EPS8: variants seen among roughly 807,000 people sequenced by gnomAD.
The protein encoded by EPS8 is EGFR pathway substrate 8, signaling adaptor, also known as epidermal growth factor receptor kinase substrate 8.
Under a neutral mutation model 103.8 loss-of-function variants are expected in EPS8, and 42 were observed. That is an observed-to-expected ratio of 0.40 (90% CI 0.32 to 0.52). The LOEUF (loss-of-function observed/expected upper bound fraction) is 0.52. Ranked by LOEUF, EPS8 falls within the 20% of genes least tolerant of loss-of-function variation. EPS8 has a pLI of 0.40. For missense variants in EPS8, 969 were observed against 1,005.1 expected, an observed-to-expected ratio of 0.96 and a Z score of 0.49; for synonymous variants, 344 against 344.6, an observed-to-expected ratio of 1.00 and a Z score of 0.02.
intron 16 of EPS8, 149 bp downstream of exon 16, chr12:15,641,573 A>G (rs920853298): frequency 1.2e-5 from 5 of 423,688 alleles, no homozygotes; most frequent in African/African-American, 1.0e-4. Flanking sequence ...AGGAGTATCT[A>G]TATACCCCTA....
chr12:15,734,422 C>T lies in EPS8; in HGVS notation c.-21-51450G>A, dbSNP rs11056610. On this transcript the variant is annotated intron_variant, in intron 1 of 20. Transcript: ENST00000281172. This position sits in a 1 kb window ranked among gnomAD's most constrained non-coding sequence, Gnocchi z 4.1. ...TAAAAAGATTCTCTGTGGTTGGGCA[C>T]GGTGGCTCACACCTGTAATCCCAGC... is the stretch of plus-strand genomic sequence containing the variant. Among the ~76,000 whole-genome samples, 1,891 of 152,150 alleles carry T rather than the reference C, an allele frequency of 0.012. 31 individuals carry two copies. Among genetic ancestry groups the T allele is most frequent in the African/African-American group, 0.037 (1,553 of 41,504 alleles).
At chr12:15,699,884 G>A (rs546300110) in intron 1 of EPS8, among the ~76,000 whole-genome samples, 23 of 152,224 alleles carry the variant, frequency 1.5e-4, no homozygotes, top group African/African-American at 5.1e-4. Context: ...GGCCAGGTGC[G>A]GTGGCTCACG....
chr12:15,661,798 A>G (rs1221840539), intron 9 of EPS8, among the ~76,000 whole-genome samples: 1 of 152,252 alleles, frequency 6.6e-6, no homozygotes, highest in East Asian at 1.9e-4. Context: ...TAATAAGCTG[A>G]TTCTTCTATC....
intron 15 of EPS8, among the ~76,000 whole-genome samples, chr12:15,645,545 T>C (rs371634980): frequency 2.0e-5 from 3 of 152,248 alleles, no homozygotes; most frequent in Admixed American, 6.5e-5. Flanking sequence ...TACAAAGATA[T>C]AACTAAATCA....
At position 15,697,044 on chromosome 12, in the gene EPS8, T is replaced by C. The variant is rs1030897093; in HGVS notation, c.-21-14072A>G. ...AGGGAATTATCGTAAGGCCAGCATT[T>C]GCATTTCTTTCTTTCTATTCCCACA... On this transcript the variant is annotated intron_variant, in intron 1 of 20. Transcript: ENST00000281172. The surrounding 1 kb of genome is among the most constrained non-coding windows in gnomAD (Gnocchi z 5.6). Among the ~76,000 whole-genome samples the C allele has an allele frequency of 6.6e-6, 1 of 152,172 alleles. No homozygotes were observed. Among genetic ancestry groups the C allele is most frequent in the African/African-American group, 2.4e-5 (1 of 41,432 alleles).
chr12:15,726,154 T>C (rs962671511), intron 1 of EPS8, among the ~76,000 whole-genome samples: 9 of 152,122 alleles, frequency 5.9e-5, no homozygotes, highest in Admixed American at 5.2e-4. Flanking sequence ...CTGAGGACTA[T>C]TTCACAAGAG....
At chr12:15,645,856 T>C (rs780032321) in intron 15 of EPS8, among the ~76,000 whole-genome samples, 1 of 152,242 alleles carries the variant, frequency 6.6e-6, no homozygotes, top group African/African-American at 2.4e-5. Context: ...AGTGTCAATA[T>C]GTACTCTACA....
intron 1 of EPS8, among the ~76,000 whole-genome samples, chr12:15,763,810 G>C (rs1418268732): frequency 2.0e-5 from 3 of 152,106 alleles, no homozygotes; most frequent in East Asian, 1.9e-4. Flanking sequence ...TTCACACACA[G>C]AACATACATA....
rs923121932 is a variant in EPS8 at position 15,748,478 on chromosome 12, C to T, written c.-22+40683G>A. ...TTGTTTTTTTTTAAAGTAGGACACA[C>T]AAAACTCTACAGAAACAATTTCAGT... On this transcript the variant is annotated intron_variant, in intron 1 of 20. Transcript: ENST00000281172. The surrounding 1 kb of genome is among the most constrained non-coding windows in gnomAD (Gnocchi z 4.8). Among the ~76,000 whole-genome samples the T allele has an allele frequency of 2.0e-5, 3 of 152,082 alleles. No individual in the cohort carries two copies. Among genetic ancestry groups the T allele is most frequent in the Admixed American group, 6.6e-5 (1 of 15,264 alleles).
chr12:15,742,911 G>C (rs1044095802), intron 1 of EPS8, among the ~76,000 whole-genome samples: 19 of 152,176 alleles, frequency 1.2e-4, no homozygotes, highest in African/African-American at 2.4e-5. Context: ...GTTCTGGCCA[G>C]GGCAATGAGG....
chr12:15,660,420 T>G (rs1262016056), intron 10 of EPS8, among the ~76,000 whole-genome samples, 194 bp downstream of exon 10: 2 of 151,986 alleles, frequency 1.3e-5, no homozygotes, highest in Non-Finnish European at 2.9e-5. Flanking sequence ...CATGCCACCA[T>G]GCCCGGCTAA....
chr12:15,679,136 G>A (rs562831017), intron 3 of EPS8, among the ~76,000 whole-genome samples: 1 of 152,114 alleles, frequency 6.6e-6, no homozygotes, highest in Non-Finnish European at 1.5e-5. Context: ...ACTATTAGGT[G>A]TCTAATTTGC....
intron 1 of EPS8, among the ~76,000 whole-genome samples, chr12:15,685,451 G>A (rs2135897964): frequency 6.6e-6 from 1 of 152,214 alleles, no homozygotes; most frequent in South Asian, 2.1e-4. Context: ...GATCTGGTTT[G>A]CGTTTTAAAA....
At chr12:15,672,977 G>A (rs1020747710) in intron 3 of EPS8, among the ~76,000 whole-genome samples, 1 of 152,178 alleles carries the variant, frequency 6.6e-6, no homozygotes, top group Non-Finnish European at 1.5e-5. Context: ...TACAACAGTT[G>A]AAGATCTGAA....
Position 15,780,934 on chromosome 12 carries a change from C to A in EPS8, c.-22+8227G>T, listed in dbSNP as rs1947255016. Among the ~76,000 whole-genome samples, 2 of 152,292 alleles carry A rather than the reference C, an allele frequency of 1.3e-5. No individual in the cohort carries two copies. The highest frequency in any genetic ancestry group is 4.8e-5 in the African/African-American group (2 of 41,562). ...ATAAGTGCTAATTTCATTCAGCAAG[C>A]CTTTTGTGAGTGTGTCATATGGCTG... On this transcript the variant is annotated intron_variant, in intron 1 of 20. Transcript: ENST00000281172. The surrounding 1 kb of genome is among the most constrained non-coding windows in gnomAD (Gnocchi z 4.1).
intron 1 of EPS8, among the ~76,000 whole-genome samples, chr12:15,742,024 C>T (rs1313483009): frequency 6.6e-6 from 1 of 152,190 alleles, no homozygotes; most frequent in African/African-American, 2.4e-5. Flanking sequence ...TCATCCATGT[C>T]CCTACAAAGG....
At chr12:15,658,397 A>G in intron 11 of EPS8, 100 bp downstream of exon 11, 3 of 958,912 alleles carry the variant, frequency 3.1e-6, no homozygotes, top group Non-Finnish European at 4.8e-6. Flanking sequence ...CAAAATCTAT[A>G]AAAACAATTT....
At chr12:15,638,935 A>G (rs943131742) in intron 17 of EPS8, among the ~76,000 whole-genome samples, 2 of 152,248 alleles carry the variant, frequency 1.3e-5, no homozygotes, top group Non-Finnish European at 2.9e-5. Context: ...AAACAGCAAA[A>G]GGTAAGAGAT....
chr12:15,685,019 T>G (rs916868846), intron 1 of EPS8, among the ~76,000 whole-genome samples: 1 of 152,176 alleles, frequency 6.6e-6, no homozygotes, highest in African/African-American at 2.4e-5. Context: ...TTCCATGGTA[T>G]AAATATTCCC....
Sources: allele counts gnomAD v4.1 joint callset (sites outside exome capture counted in the v4.1 genomes callset), GRCh38; gene constraint gnomAD v4.1.1; non-coding constraint Gnocchi (gnomAD v3.1); transcripts MANE v1.5; gene names NCBI Gene and HGNC (gene_info 2026-07-23, HGNC 2026-07-21).